Variants in SH3GL3 observed in about 807,000 individuals in gnomAD.
The protein encoded by SH3GL3 is endophilin-A3.
SH3GL3 carries 33 observed loss-of-function variants against 47.7 expected under a neutral mutation model. The ratio of observed to expected loss-of-function variants is 0.69; its 90% CI spans 0.52 to 0.92. The LOEUF is 0.92. Ranked by LOEUF, SH3GL3 falls within the 40% of genes least tolerant of loss-of-function variation. The pLI, the probability that SH3GL3 is intolerant of heterozygous loss-of-function variation, is 0.00. For synonymous variants in SH3GL3, 155 were observed against 148.8 expected (o/e 1.04, Z -0.30); for missense variants, 363 against 417.8 (o/e 0.87, Z 1.14).
chr15:83,595,158 A>G (rs953095718), intron 8 of SH3GL3, among the ~76,000 whole-genome samples: 1 of 152,182 alleles, frequency 6.6e-6, no homozygotes, highest in African/African-American at 2.4e-5. Flanking sequence ...ATTCCATGGG[A>G]CAGTACACGG....
chr15:83,574,120 T>C (rs2059606655), intron 5 of SH3GL3, among the ~76,000 whole-genome samples: 1 of 151,964 alleles, frequency 6.6e-6, no homozygotes, highest in Admixed American at 6.5e-5. Context: ...TTGTGTGATA[T>C]GGCCAGGGGA....
At position 83,521,738 on chromosome 15, in the gene SH3GL3, A is replaced by C. The variant is rs117408076; in HGVS notation, c.46-37515A>C. ...AACCGTTCAGATTAGCTCCTCCTAC[A>C]ACAATGTGAAAATTGGAATGCTCAT... On this transcript the variant is annotated intron_variant, in intron 1 of 8. Coordinates refer to ENST00000427482, the MANE Select transcript of SH3GL3 (RefSeq NM_003027.5). Among the ~76,000 whole-genome samples, 193 of 152,314 alleles carry C rather than the reference A, an allele frequency of 1.3e-3. 6 individuals are homozygous for C. The East Asian group carries it at 0.035, about 28-fold the overall frequency.
intron 5 of SH3GL3, 103 bp downstream of exon 5, chr15:83,572,801 G>T (rs1009040758): frequency 3.7e-6 from 3 of 817,350 alleles, no homozygotes; most frequent in Non-Finnish European, 5.7e-6. Context: ...ATCTTATGAT[G>T]CTTGTGGGTA....
intron 1 of SH3GL3, chr15:83,490,938 G>A (rs781168640): frequency 1.2e-6 from 2 of 1,613,392 alleles, no homozygotes; most frequent in African/African-American, 1.3e-5. Flanking sequence ...GGAGTGGTTG[G>A]GGAAGAACAG....
intron 1 of SH3GL3, among the ~76,000 whole-genome samples, chr15:83,503,025 A>G (rs2042356355): frequency 6.6e-6 from 1 of 152,132 alleles, no homozygotes; most frequent in African/African-American, 2.4e-5. Flanking sequence ...ATAGAACATA[A>G]TTACTTTTAA....
intron 8 of SH3GL3, among the ~76,000 whole-genome samples, chr15:83,591,845 C>G (rs1406814953): frequency 6.6e-6 from 1 of 152,146 alleles, no homozygotes; most frequent in Admixed American, 6.5e-5. Context: ...GATACCGTGC[C>G]TGGCTAATTT....
intron 1 of SH3GL3, among the ~76,000 whole-genome samples, chr15:83,507,685 G>T (rs1207925823): frequency 6.6e-6 from 1 of 152,012 alleles, no homozygotes; most frequent in African/African-American, 2.4e-5. Context: ...AAAGTGCTGG[G>T]ATTACAGGAG....
At position 83,554,124 on chromosome 15, in the gene SH3GL3, A is replaced by G. The variant is rs899025920; in HGVS notation, c.46-5129A>G. ...AACCTCTGCCTCCCGAGTTCAAGTG[A>G]TTCTTCCATTCTCCCACCTCAGTCT... On this transcript the variant is annotated intron_variant, in intron 1 of 8. Transcript: ENST00000427482. 2.7e-5 allele frequency among the ~76,000 whole-genome samples: 4 copies of G among 146,694 alleles called. No homozygotes were observed. The East Asian group carries it at 8.0e-4, about 30-fold the overall frequency.
At position 83,568,601 on chromosome 15, in the gene SH3GL3, C is replaced by T. The variant is rs780744126; in HGVS notation, c.260C>T (p.Pro87Leu). Residue 87 changes from proline (P) to leucine (L), a missense_variant, in exon 4 of 9, where the codon CCG becomes CTG. Coordinates refer to ENST00000427482, the MANE Select transcript of SH3GL3 (RefSeq NM_003027.5). ...IRGQVKTTGY[P>L]QTEGLLGDCM... ...GGGCAGGTGAAGACCACAGGATACC[C>T]GCAGACGGAAGGCTTGCTGGGGGAC... The T allele has an allele frequency of 3.3e-5, 53 of 1,612,986 alleles. No homozygotes were observed. In the South Asian group the frequency reaches 4.3e-4, roughly 13 times the overall value.
At chr15:83,484,308 A>G (rs1468497341) in intron 1 of SH3GL3, among the ~76,000 whole-genome samples, 4 of 152,196 alleles carry the variant, frequency 2.6e-5, no homozygotes, top group Non-Finnish European at 5.9e-5. Context: ...TTTATTGAGG[A>G]AATCGTACTA....
chr15:83,578,657 A>ATT (rs11289922), intron 6 of SH3GL3, among the ~76,000 whole-genome samples: 3 of 148,574 alleles, frequency 2.0e-5, no homozygotes, highest in East Asian at 2.0e-4. Flanking sequence ...TCTTCTTTTA[A>ATT]TTTTTTTTTT....
intron 6 of SH3GL3, among the ~76,000 whole-genome samples, chr15:83,583,866 C>G (rs1256617428): frequency 6.6e-6 from 1 of 152,122 alleles, no homozygotes; most frequent in Non-Finnish European, 1.5e-5. Flanking sequence ...CCCATTACCC[C>G]CTGAGCTTGG....
At chr15:83,481,275 A>T (rs1249988225) in intron 1 of SH3GL3, among the ~76,000 whole-genome samples, 1 of 10,848 alleles carries the variant, frequency 9.2e-5, no homozygotes, top group Non-Finnish European at 2.1e-4. Context: ...ATTCTGTCTC[A>T]AAAAAAAAAA....
At chr15:83,490,567 A>G (rs369454370) in intron 1 of SH3GL3, among the ~76,000 whole-genome samples, 3 of 152,284 alleles carry the variant, frequency 2.0e-5, no homozygotes, top group East Asian at 3.9e-4. Context: ...TTGGCCCTGA[A>G]GTGATGTGTT....
intron 1 of SH3GL3, among the ~76,000 whole-genome samples, chr15:83,505,248 C>T (rs900759642): frequency 6.6e-5 from 10 of 152,084 alleles, no homozygotes; most frequent in African/African-American, 2.2e-4. Flanking sequence ...GTAGTGCACT[C>T]GCTGGCTAAA....
At chr15:83,620,316 C>A (rs1442889742), downstream of SH3GL3, among the ~76,000 whole-genome samples, 10 of 152,234 alleles carry the variant, frequency 6.6e-5, no homozygotes, top group Non-Finnish European at 1.3e-4. Flanking sequence ...ATACTGAGTC[C>A]TTTCCAGAAG....
intron 8 of SH3GL3, among the ~76,000 whole-genome samples, chr15:83,599,732 T>C (rs569401897): frequency 6.9e-4 from 105 of 152,352 alleles, no homozygotes; most frequent in African/African-American, 2.4e-3. Flanking sequence ...GCTGGATCAA[T>C]GGTAGTTCCA....
intron 2 of SH3GL3, among the ~76,000 whole-genome samples, chr15:83,561,910 G>C (rs1482977995): frequency 6.6e-6 from 1 of 152,050 alleles, no homozygotes; most frequent in East Asian, 1.9e-4. Flanking sequence ...CCAAGATGCT[G>C]TCATACCAGG....
chr15:83,488,920 G>A (rs546521929), intron 1 of SH3GL3, among the ~76,000 whole-genome samples: 91 of 152,292 alleles, frequency 6.0e-4, no homozygotes, highest in African/African-American at 1.0e-3. Context: ...TCCAGGCACC[G>A]TTGCTGATCT....
Sources: gnomAD v4.1 joint callset for allele counts (sites outside exome capture counted in the v4.1 genomes callset) on GRCh38, gnomAD v4.1.1 for gene constraint, MANE v1.5 for transcripts, NCBI Gene and HGNC (gene_info 2026-07-23, HGNC 2026-07-21) for gene names.